Variants in ANKS1A observed in about 807,000 individuals in gnomAD.
The protein encoded by ANKS1A is ankyrin repeat and SAM domain-containing protein 1A.
ANKS1A carries 55 observed loss-of-function variants against 120.3 expected under a neutral mutation model. That is an observed-to-expected ratio of 0.46 (90% CI 0.37 to 0.57). ANKS1A has a LOEUF of 0.57. ANKS1A is among the 20% of genes least tolerant of loss of function. The probability of loss-of-function intolerance (pLI) is 0.00; values close to 1 mark genes in which losing one functional copy is unlikely to be tolerated. For synonymous variants in ANKS1A, 590 were observed against 604.7 expected (o/e 0.98, Z 0.36); for missense variants, 1,123 against 1,480.3 (o/e 0.76, Z 3.96).
chr6:35,074,314 C>T (rs927817729), intron 13 of ANKS1A, among the ~76,000 whole-genome samples: 5 of 152,178 alleles, frequency 3.3e-5, no homozygotes, highest in South Asian at 2.1e-4. Context: ...AAGTCTGGGC[C>T]GGGGCCAGGG....
At chr6:34,933,457 G>A (rs992959778) in intron 1 of ANKS1A, among the ~76,000 whole-genome samples, 7 of 152,122 alleles carry the variant, frequency 4.6e-5, no homozygotes, top group South Asian at 2.1e-4. Context: ...TGCAACCACC[G>A]CCTCCTGGAT....
chr6:34,963,900 C>T (rs972585200), intron 1 of ANKS1A, among the ~76,000 whole-genome samples: 3 of 152,092 alleles, frequency 2.0e-5, no homozygotes, highest in African/African-American at 7.2e-5. Flanking sequence ...ACCTATTGGC[C>T]ATTTGTATGT....
chr6:35,023,030 A>G (rs554987185), intron 11 of ANKS1A, among the ~76,000 whole-genome samples: 6 of 152,124 alleles, frequency 3.9e-5, no homozygotes, highest in South Asian at 2.1e-4. Flanking sequence ...TCCAGTTCCT[A>G]CCCTTTTCTA....
At chr6:35,055,475 A>C (rs534742983) in intron 12 of ANKS1A, among the ~76,000 whole-genome samples, 1 of 152,126 alleles carries the variant, frequency 6.6e-6, no homozygotes, top group East Asian at 1.9e-4. Context: ...GATTACAGGC[A>C]TGTAACACCA....
At position 35,060,644 on chromosome 6, in the gene ANKS1A, G is replaced by C. The variant is rs1274036165; in HGVS notation, c.2184+391G>C. ...CAAGGAGCCTTGCCTCCAGCAGAAAGACCCCTTCCCTGCCCAGCCAAGGCC... is the reference window on the plus strand; with the variant it reads ...CAAGGAGCCTTGCCTCCAGCAGAAACACCCCTTCCCTGCCCAGCCAAGGCC... On this transcript the variant is annotated intron_variant, in intron 13 of 23. Coordinates refer to ENST00000360359, the MANE Select transcript of ANKS1A (RefSeq NM_015245.3). The surrounding 1 kb of genome is among the most constrained non-coding windows in gnomAD (Gnocchi z 4.5). Among the ~76,000 whole-genome samples the C allele has an allele frequency of 6.6e-6, 1 of 152,202 alleles. No homozygotes were observed. Among genetic ancestry groups the C allele is most frequent in the East Asian group, 1.9e-4 (1 of 5,200 alleles).
In ANKS1A at chr6:35,081,019, C is replaced by T; in HGVS notation, c.2570C>T (p.Ser857Leu). The change falls in exon 17 of 24, where the codon TCA becomes TTA. Residue 857 changes from serine to leucine, a missense_variant. Physicochemically the swap from Ser to Leu is moderately radical, Grantham distance 145. Coordinates refer to ENST00000360359, the MANE Select transcript of ANKS1A (RefSeq NM_015245.3). ...LRCQDLLSQT[S>L]SPLSQNDSCT... ...TGCCAAGATTTGCTCTCCCAGACGT[C>T]ATCCCCACTGAGTCAGAATGATTCC... 6.2e-7 allele frequency: 1 copy of T among 1,613,952 alleles called. No individual in the cohort carries two copies. Among genetic ancestry groups the T allele is most frequent in the Non-Finnish European group, 8.5e-7 (1 of 1,179,854 alleles).
intron 1 of ANKS1A, among the ~76,000 whole-genome samples, chr6:34,965,530 T>C (rs1770850698): frequency 6.6e-6 from 1 of 152,076 alleles, no homozygotes; most frequent in Non-Finnish European, 1.5e-5. Flanking sequence ...TTTTGTATTT[T>C]TAGTAGAGAC....
intron 1 of ANKS1A, among the ~76,000 whole-genome samples, chr6:34,930,613 C>A (rs181454743): frequency 6.7e-4 from 102 of 152,258 alleles, no homozygotes; most frequent in African/African-American, 2.4e-3. Context: ...TCTCCTCTTT[C>A]CTTTATCTTT....
chr6:35,062,101 C>G (rs1274368040), intron 13 of ANKS1A, among the ~76,000 whole-genome samples: 2 of 152,254 alleles, frequency 1.3e-5, no homozygotes, highest in Non-Finnish European at 2.9e-5. Context: ...GAAGTGTGGC[C>G]TTGGGCCAAA....
At chr6:35,036,726 C>CCT (rs1019256250) in intron 11 of ANKS1A, among the ~76,000 whole-genome samples, 2 of 152,218 alleles carry the variant, frequency 1.3e-5, no homozygotes, top group African/African-American at 4.8e-5. Flanking sequence ...GTTGCTAATG[C>CCT]TAAGTGGAAA....
intron 10 of ANKS1A, among the ~76,000 whole-genome samples, chr6:34,997,530 A>T (rs1772920676): frequency 6.6e-6 from 1 of 152,180 alleles, no homozygotes; most frequent in Admixed American, 6.5e-5. Context: ...CATTTAGAAA[A>T]GGTGAAGTAG....
At chr6:34,918,801 C>T (rs1391652303) in intron 1 of ANKS1A, among the ~76,000 whole-genome samples, 3 of 152,126 alleles carry the variant, frequency 2.0e-5, no homozygotes, top group Non-Finnish European at 4.4e-5. Flanking sequence ...AGCATATTGA[C>T]TGTGACTTTG....
rs1223733662 is a variant in ANKS1A, at chr6:34,970,072, G to C, written c.341G>C (p.Cys114Ser). 6.2e-7 allele frequency: 1 copy of C among 1,614,174 alleles called. No homozygotes were observed. Reference sequence around the variant, plus strand: ...ACCAACGTGGCTGACTCAAAAGGCTGCTACCCTCTGCATTTGGCAGCCTGG... The same window carrying C: ...ACCAACGTGGCTGACTCAAAAGGCTCCTACCCTCTGCATTTGGCAGCCTGG... ...ALTNVADSKG[C>S]YPLHLAAWKG... The change falls in exon 3 of 24, where the codon TGC becomes TCC. Residue 114 changes from cysteine (C) to serine (S), a missense_variant. Around this residue, in one of 3 missense-constraint regions of ANKS1A, gnomAD observed 146 missense variants for 267.8 expected, o/e 0.55. Transcript: ENST00000360359.
chr6:35,035,282 C>G (rs1000914329), intron 11 of ANKS1A, among the ~76,000 whole-genome samples: 2 of 152,158 alleles, frequency 1.3e-5, no homozygotes, highest in African/African-American at 4.8e-5. Flanking sequence ...TGAATTCTAT[C>G]TAAAGAGGGC....
chr6:35,023,585 A>T, intron 11 of ANKS1A: 1 of 474,782 alleles, frequency 2.1e-6, no homozygotes, highest in Non-Finnish European at 4.3e-6. Flanking sequence ...AAAGGAGTGC[A>T]GCTGAAACTG....
At chr6:35,081,276 C>T (rs1777660896) in intron 17 of ANKS1A, 118 bp downstream of exon 17, 5 of 1,339,368 alleles carry the variant, frequency 3.7e-6, no homozygotes, top group Non-Finnish European at 5.0e-6. Context: ...GCACCAGAGT[C>T]AGGAGGCACT....
chr6:34,916,229 G>T (rs1466557974), intron 1 of ANKS1A, among the ~76,000 whole-genome samples: 1 of 152,052 alleles, frequency 6.6e-6, no homozygotes, highest in Non-Finnish European at 1.5e-5. Context: ...TTGGCCGCAG[G>T]TGATCCATCT....
intron 1 of ANKS1A, among the ~76,000 whole-genome samples, chr6:34,966,112 A>G (rs1417512797): frequency 6.6e-6 from 1 of 152,168 alleles, no homozygotes; most frequent in East Asian, 1.9e-4. Context: ...TTAACCTAAC[A>G]CTGATACCAT....
At chr6:35,092,715 G>A (rs1017216577), downstream of ANKS1A, among the ~76,000 whole-genome samples, 2 of 152,136 alleles carry the variant, frequency 1.3e-5, no homozygotes, top group South Asian at 4.1e-4. Flanking sequence ...TCCCTTCTGG[G>A]ACCACCTTAC....
Sources: allele counts gnomAD v4.1 joint callset (sites outside exome capture counted in the v4.1 genomes callset), GRCh38; gene constraint gnomAD v4.1.1; regional missense constraint gnomAD v4.1.1; non-coding constraint Gnocchi (gnomAD v3.1); transcripts MANE v1.5; gene names NCBI Gene and HGNC (gene_info 2026-07-23, HGNC 2026-07-21).